Variants in DYRK3 observed in about 807,000 individuals in gnomAD.
DYRK3 encodes the protein dual specificity tyrosine-phosphorylation-regulated kinase 3.
Under a neutral mutation model 40.8 loss-of-function variants are expected in DYRK3, and 30 were observed. The observed-to-expected ratio is 0.74, with a 90% CI of 0.55 to 1.00. DYRK3 has a LOEUF of 1.00. DYRK3 is among the 50% of genes least tolerant of loss of function. The pLI is 0.00. For synonymous variants in DYRK3, 272 were observed against 260.7 expected, an observed-to-expected ratio of 1.04 and a Z score of -0.42; for missense variants, 699 against 731.5, an observed-to-expected ratio of 0.96 and a Z score of 0.51.
At position 206,641,121 on chromosome 1, in the gene DYRK3, T is replaced by G. The variant is rs1483213660; in HGVS notation, c.189+3360T>G. Among the ~76,000 whole-genome samples the G allele has an allele frequency of 3.3e-5, 5 of 152,066 alleles. No individual in the cohort carries two copies. In the East Asian group the frequency reaches 9.6e-4, roughly 29 times the overall value. On this transcript the variant is annotated intron_variant, in intron 2 of 2. Coordinates refer to ENST00000367109, the MANE Select transcript of DYRK3 (RefSeq NM_003582.4). ...TAGGTTTTTGGGGAACAGGTGGTGT[T>G]TGGGTTACATGAATAAGTTCTTTAG...
In DYRK3 at chr1:206,653,398, C is replaced by T. The variant is rs1004827708; in HGVS notation, c.*4433C>T. ...TCTAGTATTCTATCCTACCATCTACCCTCAGAGTTATTGATGTACTCTTTC... is the reference window on the plus strand; with the variant it reads ...TCTAGTATTCTATCCTACCATCTACTCTCAGAGTTATTGATGTACTCTTTC... On this transcript the variant is annotated 3_prime_UTR_variant, in exon 3 of 3. Coordinates refer to ENST00000367109, the MANE Select transcript of DYRK3 (RefSeq NM_003582.4). Among the ~76,000 whole-genome samples the T allele has an allele frequency of 2.0e-5, 3 of 152,154 alleles. No individual in the cohort carries two copies. Among genetic ancestry groups the T allele is most frequent in the Admixed American group, 2.0e-4 (3 of 15,288 alleles).
chr1:206,646,480 G>C (rs1012347565), intron 2 of DYRK3, among the ~76,000 whole-genome samples: 1 of 149,480 alleles, frequency 6.7e-6, no homozygotes, highest in Admixed American at 6.6e-5. Context: ...GTAGGCTCTT[G>C]CTAGGGAAGA....
chr1:206,653,708 A>G lies in DYRK3; in HGVS notation c.*4743A>G, dbSNP rs1407876558. Among the ~76,000 whole-genome samples the G allele has an allele frequency of 6.6e-6, 1 of 152,220 alleles. No homozygotes were observed. The highest frequency in any genetic ancestry group is 1.5e-5 in the Non-Finnish European group (1 of 68,044). On this transcript the variant is annotated 3_prime_UTR_variant, in exon 3 of 3. Coordinates refer to ENST00000367109, the MANE Select transcript of DYRK3 (RefSeq NM_003582.4). ...TTACCTTGATAATAATGAAAAAAAAATGAATACCACCAAAACCTAACTATG... is the reference window on the plus strand; with the variant it reads ...TTACCTTGATAATAATGAAAAAAAAGTGAATACCACCAAAACCTAACTATG...
chr1:206,636,136 GA>G (rs1553418289), intron 1 of DYRK3: 2 of 1,192,566 alleles, frequency 1.7e-6, no homozygotes, highest in Non-Finnish European at 1.2e-6. Context: ...CAATACCTTG[GA>G]AAGAAGCCCT....
At chr1:206,636,168 A>G (rs1671102210) in intron 1 of DYRK3, 1 of 844,712 alleles carries the variant, frequency 1.2e-6, no homozygotes, top group Non-Finnish European at 1.8e-6. Flanking sequence ...GCGGATAACC[A>G]ACGGCTGAAC....
chr1:206,649,065 A>AGAGTAGACTTTTTTT lies in DYRK3; in HGVS notation c.*101_*115dup, dbSNP rs1553420965. On this transcript the variant is annotated 3_prime_UTR_variant, in exon 3 of 3. Coordinates refer to ENST00000367109, the MANE Select transcript of DYRK3 (RefSeq NM_003582.4). ...AAGCCCATTGGTGGATGTTTTTGTT[A>AGAGTAGACTTTTTTT]GAGTAGACTTTTTTTAAACAAGACA... 1 of 1,297,142 alleles carries AGAGTAGACTTTTTTT rather than the reference A, an allele frequency of 7.7e-7. No individual in the cohort carries two copies. The highest frequency in any genetic ancestry group is 1.0e-6 in the Non-Finnish European group (1 of 965,472). 80.4% of individuals were successfully genotyped at this position (1,297,142 alleles called of 1,614,324 possible).
rs1671630644 is a variant in DYRK3, at chr1:206,651,471, G to C, written c.*2506G>C. ...ATTTCTCTGCCAACTCCAGGAAGTAGTACAGCATGATTGAATCCTTCTTCA... is the reference window on the plus strand; with the variant it reads ...ATTTCTCTGCCAACTCCAGGAAGTACTACAGCATGATTGAATCCTTCTTCA... On this transcript the variant is annotated 3_prime_UTR_variant, in exon 3 of 3. Coordinates refer to ENST00000367109, the MANE Select transcript of DYRK3 (RefSeq NM_003582.4). Among the ~76,000 whole-genome samples the C allele has an allele frequency of 6.6e-6, 1 of 152,202 alleles. No individual in the cohort carries two copies. The highest frequency in any genetic ancestry group is 2.4e-5 in the African/African-American group (1 of 41,454).
chr1:206,637,540 T>C, intron 1 of DYRK3, 110 bp from the exon 2 acceptor site: 1 of 702,386 alleles, frequency 1.4e-6, no homozygotes, highest in Non-Finnish European at 2.4e-6. Flanking sequence ...AAATGTAGTG[T>C]AGACATTTAT....
In DYRK3 at chr1:206,648,237, G is replaced by T; in HGVS notation, c.1039G>T (p.Gly347Trp). 1 of 1,614,128 alleles carries T rather than the reference G, an allele frequency of 6.2e-7. No individual in the cohort carries two copies. The highest frequency in any genetic ancestry group is 8.5e-7 in the Non-Finnish European group (1 of 1,180,034). The change falls in exon 3 of 3, where the codon GGG becomes TGG. Residue 347 changes from glycine to tryptophan, a missense_variant. Gly to Trp is a radical substitution (Grantham distance 184, BLOSUM62 -2). Coordinates refer to ENST00000367109, the MANE Select transcript of DYRK3 (RefSeq NM_003582.4). Reference protein sequence around the residue: ...KPENILLKHHGRSSTKVIDFG... With the variant: ...KPENILLKHHWRSSTKVIDFG... ...AGAAAACATTCTCCTGAAACACCAC[G>T]GGCGCAGTTCAACCAAGGTCATTGA...
chr1:206,637,129 C>T (rs185568679), intron 1 of DYRK3, among the ~76,000 whole-genome samples: 2 of 152,164 alleles, frequency 1.3e-5, no homozygotes, highest in African/African-American at 2.4e-5. Flanking sequence ...CTGTAAGACC[C>T]AGAAGTGTGA....
rs1553420464 is a variant in DYRK3 at position 206,647,930 on chromosome 1, G to A, written c.732G>A (p.Lys244=). Residue 244 remains lysine, a synonymous_variant, in exon 3 of 3, where the codon AAG becomes AAA. Coordinates refer to ENST00000367109, the MANE Select transcript of DYRK3 (RefSeq NM_003582.4). The stretch of plus-strand genomic sequence containing the variant: ...CCCTAAAAATGGTGCGCAATGAGAA[G>A]CGCTTTCATCGTCAAGCAGCTGAGG... ...YVALKMVRNE[K]RFHRQAAEEI... 6.2e-7 allele frequency: 1 copy of A among 1,613,970 alleles called. No homozygotes were observed. The highest frequency in any genetic ancestry group is 1.7e-5 in the Admixed American group (1 of 59,982).
Position 206,651,554 on chromosome 1 carries a change from A to C in DYRK3, c.*2589A>C, listed in dbSNP as rs994482943. On this transcript the variant is annotated 3_prime_UTR_variant, in exon 3 of 3. Transcript: ENST00000367109. ...AGCTCATATCTACTCAAAAAACTCA[A>C]ATCTACTCTTTCAGTAGATATGAGC... Among the ~76,000 whole-genome samples, 1 of 152,186 alleles carries C rather than the reference A, an allele frequency of 6.6e-6. No individual in the cohort carries two copies. Among genetic ancestry groups the C allele is most frequent in the Non-Finnish European group, 1.5e-5 (1 of 68,026 alleles).
rs782274300 is a variant in DYRK3 at position 206,643,506 on chromosome 1, C to T, written c.190-3882C>T. 3.9e-5 allele frequency among the ~76,000 whole-genome samples: 6 copies of T among 152,184 alleles called. No individual in the cohort carries two copies. In the South Asian group the frequency reaches 6.2e-4, roughly 16 times the overall value. On this transcript the variant is annotated intron_variant, in intron 2 of 2. Transcript: ENST00000367109. ...AGTAGGGGAAATTCCCAGGGACAGA[C>T]GCTGCACCACAAATACCTTTCCTAA...
rs782443146 is a variant in DYRK3, at chr1:206,654,374, C to T, written c.*5409C>T. Among the ~76,000 whole-genome samples the T allele has an allele frequency of 2.6e-5, 4 of 152,198 alleles. No homozygotes were observed. The highest frequency in any genetic ancestry group is 4.4e-5 in the Non-Finnish European group (3 of 68,032). ...CTGTAGAACGCTATAACTTACTATG[C>T]GTAGAGCAGCGGCAGGCATTCATGC... On this transcript the variant is annotated 3_prime_UTR_variant, in exon 3 of 3. Transcript: ENST00000367109.
In DYRK3 at chr1:206,648,221, T is replaced by C. The variant is rs564719047; in HGVS notation, c.1023T>C (p.Ile341=). 1.2e-6 allele frequency: 2 copies of C among 1,614,084 alleles called. No individual in the cohort carries two copies. Among genetic ancestry groups the C allele is most frequent in the East Asian group, 4.5e-5 (2 of 44,876 alleles). The part of the protein sequence containing the change: ...IIHCDLKPEN[I]LLKHHGRSST... ...ACTGCGATCTGAAGCCAGAAAACAT[T>C]CTCCTGAAACACCACGGGCGCAGTT... Residue 341 remains isoleucine (I), a synonymous_variant, in exon 3 of 3, where the codon ATT becomes ATC. Coordinates refer to ENST00000367109, the MANE Select transcript of DYRK3 (RefSeq NM_003582.4).
rs989548699 is a variant in DYRK3 at position 206,652,342 on chromosome 1, G to A, written c.*3377G>A. On this transcript the variant is annotated 3_prime_UTR_variant, in exon 3 of 3. Transcript: ENST00000367109. Reference sequence around the variant, plus strand: ...ATGTACACTGTGTTTTGGTGTTTGTGTTTTTAGTGAGAGTTCTAGCCAGTA... The same window carrying A: ...ATGTACACTGTGTTTTGGTGTTTGTATTTTTAGTGAGAGTTCTAGCCAGTA... Among the ~76,000 whole-genome samples, 2 of 152,192 alleles carry A rather than the reference G, an allele frequency of 1.3e-5. No individual in the cohort carries two copies. Among genetic ancestry groups the A allele is most frequent in the Non-Finnish European group, 2.9e-5 (2 of 68,040 alleles).
At chr1:206,641,498 T>TG (rs1335384638) in intron 2 of DYRK3, among the ~76,000 whole-genome samples, 1 of 150,314 alleles carries the variant, frequency 6.7e-6, no homozygotes, top group Non-Finnish European at 1.5e-5. Flanking sequence ...GATGGGCATT[T>TG]GGGGAAATAT....
intron 2 of DYRK3, among the ~76,000 whole-genome samples, chr1:206,639,390 A>G (rs148080968): frequency 4.0e-5 from 6 of 151,836 alleles, no homozygotes; most frequent in African/African-American, 9.7e-5. Context: ...CTTGCTGCCA[A>G]TTGGTTCACC....
At position 206,654,387 on chromosome 1, in the gene DYRK3, C is replaced by T. The variant is rs1671701630; in HGVS notation, c.*5422C>T. Among the ~76,000 whole-genome samples the T allele has an allele frequency of 6.6e-6, 1 of 152,242 alleles. No homozygotes were observed. ...TAACTTACTATGCGTAGAGCAGCGG[C>T]AGGCATTCATGCTATGGAAAACCTG... On this transcript the variant is annotated 3_prime_UTR_variant, in exon 3 of 3. Transcript: ENST00000367109.
Sources: gnomAD v4.1 joint callset for allele counts (sites outside exome capture counted in the v4.1 genomes callset) on GRCh38, gnomAD v4.1.1 for gene constraint, MANE v1.5 for transcripts, NCBI Gene and HGNC (gene_info 2026-07-23, HGNC 2026-07-21) for gene names.